Variants in TMEM192 observed in about 807,000 individuals in gnomAD.
TMEM192 encodes transmembrane protein 192.
Under a neutral mutation model 26.7 loss-of-function variants are expected in TMEM192, and 20 were observed. The observed-to-expected ratio is 0.75, with a 90% CI of 0.53 to 1.09. TMEM192 has a LOEUF of 1.09. Ranked by LOEUF, TMEM192 falls within the 50% of genes least tolerant of loss-of-function variation. The pLI, the probability that TMEM192 is intolerant of heterozygous loss-of-function variation, is 0.00. For synonymous variants in TMEM192, 124 were observed against 121.0 expected, an observed-to-expected ratio of 1.02 and a Z score of -0.16; for missense variants, 304 against 322.6, an observed-to-expected ratio of 0.94 and a Z score of 0.44.
intron 1 of TMEM192, among the ~76,000 whole-genome samples, chr4:165,105,971 G>A (rs551116428): frequency 1.3e-4 from 20 of 152,236 alleles, no homozygotes; most frequent in African/African-American, 4.3e-4. Context: ...CTTCCACTGC[G>A]TGAGGATGCA....
intron 1 of TMEM192, among the ~76,000 whole-genome samples, chr4:165,112,343 C>T (rs1189869257): frequency 6.6e-6 from 1 of 152,198 alleles, no homozygotes; most frequent in East Asian, 1.9e-4. Flanking sequence ...CTGGGACGTC[C>T]GAGCGGAACC....
rs780894503 is a variant in TMEM192 at position 165,085,581 on chromosome 4, C to T, written c.677+5G>A. On this transcript the variant is annotated splice_donor_5th_base_variant and intron_variant, in intron 5 of 5. Coordinates refer to ENST00000306480, the MANE Select transcript of TMEM192 (RefSeq NM_001100389.2). Reference sequence around the variant, plus strand: ...TCAATTATTTTATTCTCACCTAAATCTTACCTGAATCCAGTCTCCGAGGTA... The same window carrying T: ...TCAATTATTTTATTCTCACCTAAATTTTACCTGAATCCAGTCTCCGAGGTA... The T allele has an allele frequency of 6.9e-6, 11 of 1,592,100 alleles. No individual in the cohort carries two copies. The highest frequency in any genetic ancestry group is 9.4e-6 in the Non-Finnish European group (11 of 1,168,514).
At chr4:165,092,418 G>A (rs930043997) in intron 3 of TMEM192, among the ~76,000 whole-genome samples, 2 of 152,102 alleles carry the variant, frequency 1.3e-5, no homozygotes, top group African/African-American at 4.8e-5. Flanking sequence ...CACCGCACCC[G>A]GCCCACAGTG....
At chr4:165,107,346 AC>A (rs1251458060) in intron 1 of TMEM192, among the ~76,000 whole-genome samples, 1 of 129,580 alleles carries the variant, frequency 7.7e-6, no homozygotes. Flanking sequence ...AAAAACAAAA[AC>A]AAAAAAAAAA....
intron 1 of TMEM192, among the ~76,000 whole-genome samples, chr4:165,103,773 C>T (rs1266525913): frequency 3.9e-5 from 6 of 152,156 alleles, no homozygotes; most frequent in African/African-American, 7.2e-5. Flanking sequence ...CCGCCTGCCT[C>T]GGCCTCCCAA....
At position 165,077,927 on chromosome 4, in the gene TMEM192, CG is replaced by C. The variant is rs1734427014; in HGVS notation, c.*1730del. On this transcript the variant is annotated 3_prime_UTR_variant, in exon 6 of 6. Transcript: ENST00000306480. ...GTGAATGTTGTGTGCAGGTGACACA[CG>C]ATCTTTTTTTTTTTTTTTTGAGAGA... 3 of 150,598 alleles carry C rather than the reference CG, an allele frequency of 2.0e-5. No homozygotes were observed. The highest frequency in any genetic ancestry group is 7.3e-5 in the African/African-American group (3 of 41,028). The allele number at this position is 150,598 out of a possible 1,614,324, so 9.3% of individuals were successfully genotyped here. A position where few individuals can be genotyped will look rare whatever the true frequency, so the allele number is the denominator to read the frequency against.
At chr4:165,083,929 C>T (rs1274710772) in intron 5 of TMEM192, among the ~76,000 whole-genome samples, 2 of 145,082 alleles carry the variant, frequency 1.4e-5, no homozygotes, top group Non-Finnish European at 3.0e-5. Flanking sequence ...TCAAGCGATT[C>T]TCCTGCCTCA....
Position 165,076,467 on chromosome 4 carries a change from G to A in TMEM192, c.*3191C>T, listed in dbSNP as rs1244941832. 6.6e-6 allele frequency: 1 copy of A among 152,160 alleles called. No homozygotes were observed. The highest frequency in any genetic ancestry group is 1.5e-5 in the Non-Finnish European group (1 of 68,070). 9.4% of individuals were successfully genotyped at this position (152,160 alleles called of 1,614,324 possible). A position where few individuals can be genotyped will look rare whatever the true frequency, so the allele number is the denominator to read the frequency against. ...TGACCCTGTCTACCTCTCCACCCAG[G>A]TCCTGCCTCACACTTTTGGTTCCAG... On this transcript the variant is annotated 3_prime_UTR_variant, in exon 6 of 6. Transcript: ENST00000306480.
chr4:165,084,249 A>G (rs759549983), intron 5 of TMEM192, among the ~76,000 whole-genome samples: 3 of 151,358 alleles, frequency 2.0e-5, no homozygotes, highest in African/African-American at 4.9e-5. Flanking sequence ...CCCAGGCTGG[A>G]GTACAGTGGC....
At chr4:165,094,154 G>A (rs1403946370) in intron 3 of TMEM192, among the ~76,000 whole-genome samples, 1 of 152,116 alleles carries the variant, frequency 6.6e-6, no homozygotes, top group East Asian at 1.9e-4. Flanking sequence ...GCCCGCCTTG[G>A]CCTCCCAAAG....
chr4:165,089,811 T>C (rs1237168958), intron 3 of TMEM192, among the ~76,000 whole-genome samples: 1 of 152,100 alleles, frequency 6.6e-6, no homozygotes. Context: ...TAGTTTGGAG[T>C]ACTCAGCATG....
intron 1 of TMEM192, among the ~76,000 whole-genome samples, chr4:165,109,897 C>T (rs1735253995): frequency 6.6e-6 from 1 of 152,174 alleles, no homozygotes; most frequent in Non-Finnish European, 1.5e-5. Context: ...TTTCCTTCTG[C>T]TTTAAAATCC....
intron 1 of TMEM192, among the ~76,000 whole-genome samples, chr4:165,104,541 T>A (rs1413933468): frequency 1.3e-5 from 2 of 152,156 alleles, no homozygotes; most frequent in Non-Finnish European, 2.9e-5. Context: ...GTTTGTTTGT[T>A]TGTTTTTGAG....
chr4:165,090,993 C>T (rs954576510), intron 3 of TMEM192, among the ~76,000 whole-genome samples: 9 of 148,604 alleles, frequency 6.1e-5, no homozygotes, highest in South Asian at 2.2e-4. Flanking sequence ...TGGCCAGGCA[C>T]GGTGGCTCAA....
chr4:165,080,938 C>T (rs1366981866), intron 5 of TMEM192, among the ~76,000 whole-genome samples: 4 of 152,148 alleles, frequency 2.6e-5, no homozygotes, highest in African/African-American at 9.7e-5. Flanking sequence ...TGGTTTCAAA[C>T]TCCTGACCTC....
intron 1 of TMEM192, among the ~76,000 whole-genome samples, chr4:165,108,017 C>T (rs1372113207): frequency 6.6e-6 from 1 of 151,660 alleles, no homozygotes; most frequent in Non-Finnish European, 1.5e-5. Context: ...GTACAGCTCA[C>T]ATTTTCCTGC....
At chr4:165,102,417 G>A (rs1478845813) in intron 2 of TMEM192, among the ~76,000 whole-genome samples, 1 of 152,004 alleles carries the variant, frequency 6.6e-6, no homozygotes, top group Non-Finnish European at 1.5e-5. Context: ...GTCTGTGAAT[G>A]CTTCTAGAAA....
chr4:165,107,852 G>A (rs1261435087), intron 1 of TMEM192, among the ~76,000 whole-genome samples: 1 of 152,148 alleles, frequency 6.6e-6, no homozygotes, highest in Non-Finnish European at 1.5e-5. Context: ...ATCTGACATT[G>A]TAGTTTTCAT....
rs1734480384 is a variant in TMEM192, at chr4:165,079,764, T to C, written c.710A>G (p.Lys237Arg). 6.2e-7 allele frequency: 1 copy of C among 1,613,858 alleles called. No individual in the cohort carries two copies. Among genetic ancestry groups the C allele is most frequent in the African/African-American group, 1.3e-5 (1 of 74,924 alleles). ...CAGGTATTCAATGGTGTCTCCTTGC[T>C]TTTCAACAATTTCTTCTAGGCTTGA... Reference protein sequence around the residue: ...TISSLEEIVEKQGDTIEYLKR... With the variant: ...TISSLEEIVERQGDTIEYLKR... Residue 237 changes from lysine (K) to arginine (R), a missense_variant, in exon 6 of 6, where the codon AAG (lysine) becomes AGG (arginine). Lys to Arg is a conservative substitution (Grantham distance 26, BLOSUM62 2). Coordinates refer to ENST00000306480, the MANE Select transcript of TMEM192 (RefSeq NM_001100389.2).
Sources: gnomAD v4.1 joint callset for allele counts (sites outside exome capture counted in the v4.1 genomes callset) on GRCh38, gnomAD v4.1.1 for gene constraint, MANE v1.5 for transcripts, NCBI Gene and HGNC (gene_info 2026-07-23, HGNC 2026-07-21) for gene names.